The following NLGN1 variants were observed in gnomAD, a reference collection of about 807,000 sequenced individuals.
NLGN1 encodes the protein neuroligin 1, also known as neuroligin-1.
A neutral mutation model predicts 65.5 loss-of-function variants in NLGN1; 12 were observed. The ratio of observed to expected loss-of-function variants is 0.18; its 90% CI spans 0.12 to 0.30. NLGN1 has a LOEUF of 0.30. Ranked by LOEUF, NLGN1 falls within the 10% of genes least tolerant of loss-of-function variation. The probability of loss-of-function intolerance (pLI) is 1.00; values close to 1 mark genes in which losing one functional copy is unlikely to be tolerated. For synonymous variants in NLGN1, 350 were observed against 359.5 expected (o/e 0.97, Z 0.30); for missense variants, 750 against 1,007.1 (o/e 0.74, Z 3.46).
At chr3:174,223,387 G>A (rs1739011403) in intron 4 of NLGN1, among the ~76,000 whole-genome samples, 2 of 152,154 alleles carry the variant, frequency 1.3e-5, no homozygotes, top group South Asian at 2.1e-4. Context: ...TATCAAACAC[G>A]ATTAAGTTTC....
chr3:173,527,855 G>T (rs1300912695), intron 2 of NLGN1, among the ~76,000 whole-genome samples: 2 of 152,182 alleles, frequency 1.3e-5, no homozygotes, highest in African/African-American at 4.8e-5. Context: ...GCAGCAGATG[G>T]TTGGGTCTTG....
chr3:173,730,011 C>T (rs913789801), intron 3 of NLGN1, among the ~76,000 whole-genome samples: 5 of 151,574 alleles, frequency 3.3e-5, no homozygotes, highest in African/African-American at 1.2e-4. Context: ...GTGTTTGGTG[C>T]TAGAAAAATG....
intron 4 of NLGN1, among the ~76,000 whole-genome samples, chr3:174,153,328 T>G (rs1724758015): frequency 6.6e-6 from 1 of 152,126 alleles, no homozygotes. Context: ...AAGGACAATG[T>G]TAAACTCAAT....
At chr3:174,172,643 T>A (rs1728755228) in intron 4 of NLGN1, among the ~76,000 whole-genome samples, 1 of 152,142 alleles carries the variant, frequency 6.6e-6, no homozygotes, top group Admixed American at 6.6e-5. Context: ...ATGAATTTAT[T>A]TCTGGGTTCT....
At chr3:174,233,616 A>G (rs999574565) in intron 4 of NLGN1, among the ~76,000 whole-genome samples, 1 of 152,164 alleles carries the variant, frequency 6.6e-6, no homozygotes, top group Admixed American at 6.5e-5. Context: ...ACATATTCTT[A>G]CACTAGGGAC....
At chr3:173,485,333 A>T (rs1728005447) in intron 2 of NLGN1, among the ~76,000 whole-genome samples, 1 of 152,054 alleles carries the variant, frequency 6.6e-6, no homozygotes, top group African/African-American at 2.4e-5. Context: ...AGCCATATAC[A>T]CATAACACAG....
At chr3:173,440,836 A>C (rs1560255689) in intron 2 of NLGN1, among the ~76,000 whole-genome samples, 1 of 152,200 alleles carries the variant, frequency 6.6e-6, no homozygotes, top group Non-Finnish European at 1.5e-5. Context: ...AGCCCCTAAC[A>C]AAAGAGCCAG....
chr3:173,745,801 C>A (rs1238704309), intron 3 of NLGN1, among the ~76,000 whole-genome samples: 1 of 152,064 alleles, frequency 6.6e-6, no homozygotes, highest in Non-Finnish European at 1.5e-5. Context: ...GGTCTGATTT[C>A]TTTGTCTTTA....
chr3:173,975,122 G>T (rs948796289), intron 4 of NLGN1, among the ~76,000 whole-genome samples: 1 of 152,060 alleles, frequency 6.6e-6, no homozygotes, highest in African/African-American at 2.4e-5. Context: ...AACCACTTTT[G>T]TAAGATGTGC....
intron 2 of NLGN1, among the ~76,000 whole-genome samples, chr3:173,448,747 A>T (rs559923403): frequency 6.6e-5 from 10 of 152,166 alleles, no homozygotes; most frequent in African/African-American, 2.2e-4. Context: ...AGAGCCTGTT[A>T]TTGGTCTATT....
rs184781024 is a variant in NLGN1, at chr3:173,953,708, C to A, written c.646+145876C>A. 4.1e-3 allele frequency among the ~76,000 whole-genome samples: 629 copies of A among 152,134 alleles called. 8 individuals carry two copies. The highest frequency in any genetic ancestry group is 4.8e-3 in the Non-Finnish European group (328 of 67,996). On this transcript the variant is annotated intron_variant, in intron 4 of 6. Coordinates refer to ENST00000457714, the Ensembl canonical transcript of NLGN1. Reference sequence around the variant, plus strand: ...TAGCTGGGACTACAGGCATGCACCACGTCTGGCTAATTTTTTATAGATAAA... The same window carrying A: ...TAGCTGGGACTACAGGCATGCACCAAGTCTGGCTAATTTTTTATAGATAAA...
At chr3:174,171,780 C>A (rs1728583094) in intron 4 of NLGN1, among the ~76,000 whole-genome samples, 3 of 152,068 alleles carry the variant, frequency 2.0e-5, no homozygotes, top group Admixed American at 2.0e-4. Flanking sequence ...GTCCCACGAC[C>A]TTTTCCTCGT....
chr3:173,968,080 T>C (rs886716564), intron 4 of NLGN1, among the ~76,000 whole-genome samples: 19 of 152,172 alleles, frequency 1.2e-4, no homozygotes, highest in African/African-American at 4.3e-4. Flanking sequence ...TGGTTCAGAC[T>C]TGTGTGTTTT....
At chr3:174,136,558 C>T (rs761054384) in intron 4 of NLGN1, 5 of 152,074 alleles carry the variant, frequency 3.3e-5, no homozygotes, top group Non-Finnish European at 5.9e-5. Flanking sequence ...CAAGAGGAAG[C>T]TGAAGAGGAG....
At chr3:174,059,977 A>G (rs1737040648) in intron 4 of NLGN1, among the ~76,000 whole-genome samples, 1 of 152,128 alleles carries the variant, frequency 6.6e-6, no homozygotes, top group East Asian at 1.9e-4. Flanking sequence ...TTCACTTTTT[A>G]TAAAGCTGCA....
Position 173,806,281 on chromosome 3 carries a change from G to A in NLGN1, c.494-1399G>A, listed in dbSNP as rs142621625. Among the ~76,000 whole-genome samples, 1,148 of 152,120 alleles carry A rather than the reference G, an allele frequency of 7.5e-3. 15 individuals carry two copies. Among genetic ancestry groups the A allele is most frequent in the African/African-American group, 0.026 (1,092 of 41,524 alleles). The stretch of plus-strand genomic sequence containing the variant: ...TTATTATTACGCTAGAGAAATCAAG[G>A]CATTTACATTACACATTCTATTTTT... On this transcript the variant is annotated intron_variant, in intron 3 of 6. Transcript: ENST00000457714.
chr3:174,247,430 T>C (rs540696070), intron 4 of NLGN1, among the ~76,000 whole-genome samples: 1 of 152,260 alleles, frequency 6.6e-6, no homozygotes, highest in Non-Finnish European at 1.5e-5. Context: ...TAAACCTACC[T>C]ACGTTTTTCT....
At chr3:174,164,475 A>G (rs1445604055) in intron 4 of NLGN1, among the ~76,000 whole-genome samples, 1 of 151,706 alleles carries the variant, frequency 6.6e-6, no homozygotes, top group Non-Finnish European at 1.5e-5. Context: ...TTTTTCTTCT[A>G]CTATTCTTAC....
chr3:173,712,024 TCTAC>T (rs1769071711), intron 3 of NLGN1, among the ~76,000 whole-genome samples: 1 of 152,168 alleles, frequency 6.6e-6, no homozygotes, highest in African/African-American at 2.4e-5. Flanking sequence ...TTTGTTAAAA[TCTAC>T]AGAGTATTGG....
Sources: allele counts gnomAD v4.1 joint callset (sites outside exome capture counted in the v4.1 genomes callset), GRCh38; gene constraint gnomAD v4.1.1; transcripts MANE v1.5; gene names NCBI Gene and HGNC (gene_info 2026-07-23, HGNC 2026-07-21).